NAALADL2: variants seen among roughly 807,000 people sequenced by gnomAD.
NAALADL2 encodes N-acetylated alpha-linked acidic dipeptidase like 2, also known as inactive N-acetylated-alpha-linked acidic dipeptidase-like protein 2.
A neutral mutation model predicts 87.2 loss-of-function variants in NAALADL2; 76 were observed. The observed-to-expected ratio is 0.87, with a 90% CI of 0.72 to 1.05. The LOEUF (loss-of-function observed/expected upper bound fraction) is 1.05, where lower values mean the gene tolerates loss of function less well. Among genes scored for constraint, NAALADL2 ranks in the 50% least tolerant of loss-of-function variants. The probability of loss-of-function intolerance (pLI) is 0.00; values close to 1 mark genes in which losing one functional copy is unlikely to be tolerated. For missense variants in NAALADL2, 1,089 were observed against 945.8 expected (o/e 1.15, Z -1.99); for synonymous variants, 354 against 331.0 (o/e 1.07, Z -0.75).
rs184756545 is a variant in NAALADL2, at chr3:175,421,489, T to C, written c.1091-25740T>C. ...TTTCACCTATCTACCTTCTTATGCT[T>C]AGCTATAATGTGAGAATATAATGTC... On this transcript the variant is annotated intron_variant, in intron 5 of 13. Transcript: ENST00000454872. 4.4e-3 allele frequency among the ~76,000 whole-genome samples: 669 copies of C among 152,192 alleles called. 3 individuals are homozygous for C. Among genetic ancestry groups the C allele is most frequent in the Non-Finnish European group, 6.3e-3 (430 of 67,968 alleles).
chr3:174,739,148 T>C (rs1245706878), intron 3 of NAALADL2, among the ~76,000 whole-genome samples: 1 of 151,972 alleles, frequency 6.6e-6, no homozygotes, highest in African/African-American at 2.4e-5. Flanking sequence ...GCACTTTTAT[T>C]TTCCTTTATT....
chr3:174,826,649 G>A (rs1401408309), intron 3 of NAALADL2, among the ~76,000 whole-genome samples: 2 of 152,098 alleles, frequency 1.3e-5, no homozygotes, highest in African/African-American at 4.8e-5. Flanking sequence ...TTCAATATCA[G>A]TTTTCTCAGT....
At chr3:174,791,605 A>G (rs1578947101) in intron 3 of NAALADL2, among the ~76,000 whole-genome samples, 1 of 152,218 alleles carries the variant, frequency 6.6e-6, no homozygotes, top group Admixed American at 6.5e-5. Context: ...AGTACCATGT[A>G]AGAATATTCT....
intron 5 of NAALADL2, among the ~76,000 whole-genome samples, chr3:175,441,709 G>A (rs1424752266): frequency 6.7e-6 from 1 of 149,784 alleles, no homozygotes. Flanking sequence ...ACACACACGA[G>A]GTGCACAGGG....
intron 2 of NAALADL2, among the ~76,000 whole-genome samples, chr3:175,107,193 G>C (rs1354706956): frequency 6.6e-6 from 1 of 152,012 alleles, no homozygotes; most frequent in Non-Finnish European, 1.5e-5. Flanking sequence ...TATTATTTTA[G>C]ATGTTTCTGT....
intron 10 of NAALADL2, among the ~76,000 whole-genome samples, chr3:175,597,774 A>G (rs1271112088): frequency 6.6e-6 from 1 of 152,066 alleles, no homozygotes; most frequent in African/African-American, 2.4e-5. Context: ...TCAAAGGATA[A>G]AATTGTCCCC....
intron 1 of NAALADL2, among the ~76,000 whole-genome samples, chr3:175,010,145 A>G (rs1749590831): frequency 6.6e-6 from 1 of 152,120 alleles, no homozygotes; most frequent in Admixed American, 6.6e-5. Context: ...ATTATATAAC[A>G]CACAGTTTTA....
intron 1 of NAALADL2, among the ~76,000 whole-genome samples, chr3:174,977,152 T>C (rs1378470955): frequency 1.3e-5 from 2 of 152,214 alleles, no homozygotes; most frequent in Non-Finnish European, 2.9e-5. Flanking sequence ...AGGCAAGTAC[T>C]ACATGACCTC....
At chr3:175,221,545 T>A (rs1743369679) in intron 2 of NAALADL2, among the ~76,000 whole-genome samples, 1 of 152,100 alleles carries the variant, frequency 6.6e-6, no homozygotes, top group South Asian at 2.1e-4. Context: ...AGGAGTTTGG[T>A]AAAATTTCTA....
At chr3:175,503,454 G>A (rs1332031510) in intron 9 of NAALADL2, among the ~76,000 whole-genome samples, 1 of 152,124 alleles carries the variant, frequency 6.6e-6, no homozygotes, top group Non-Finnish European at 1.5e-5. Flanking sequence ...CCAATAGTAG[G>A]ATTGCTAGGT....
chr3:174,463,192 A>C (rs1360577975), intron 1 of NAALADL2, among the ~76,000 whole-genome samples: 1 of 152,188 alleles, frequency 6.6e-6, no homozygotes, highest in Non-Finnish European at 1.5e-5. Context: ...CAAAATCTGC[A>C]TTATAGTACA....
At chr3:175,171,401 C>T (rs951911526) in intron 2 of NAALADL2, among the ~76,000 whole-genome samples, 1 of 152,012 alleles carries the variant, frequency 6.6e-6, no homozygotes, top group Non-Finnish European at 1.5e-5. Flanking sequence ...TTTAAGTCTC[C>T]TGTCATTTGA....
At chr3:174,752,573 A>C (rs1456724556) in intron 3 of NAALADL2, among the ~76,000 whole-genome samples, 2 of 151,956 alleles carry the variant, frequency 1.3e-5, no homozygotes, top group Non-Finnish European at 2.9e-5. Context: ...TTTTAAAAAA[A>C]ATAGGCCAGT....
intron 9 of NAALADL2, among the ~76,000 whole-genome samples, chr3:175,475,950 C>T (rs1237805078): frequency 2.6e-5 from 4 of 152,076 alleles, no homozygotes; most frequent in Admixed American, 2.0e-4. Context: ...CTCAAACTCC[C>T]GGTCTCAAGT....
At chr3:174,789,965 T>G (rs1278294569) in intron 3 of NAALADL2, among the ~76,000 whole-genome samples, 2 of 152,212 alleles carry the variant, frequency 1.3e-5, no homozygotes, top group Non-Finnish European at 2.9e-5. Flanking sequence ...TCATGCTGAG[T>G]TAGATCTTTG....
chr3:175,732,277 A>G lies in NAALADL2; in HGVS notation c.1897-5029A>G, dbSNP rs78872317. ...TTCATGTGCATGATGGGGGGGATGC[A>G]TAGGATTACGCAATAACTCAATGGA... On this transcript the variant is annotated intron_variant, in intron 11 of 13. Transcript: ENST00000454872. 7.0e-4 allele frequency among the ~76,000 whole-genome samples: 106 copies of G among 152,318 alleles called. 1 individual carries two copies. The East Asian group carries it at 0.012, about 17-fold the overall frequency.
Position 174,838,290 on chromosome 3 carries a change from G to A in NAALADL2, c.-9+100544G>A, listed in dbSNP as rs371285817. On this transcript the variant is annotated intron_variant, in intron 3 of 3. Transcript: ENST00000434257. ...CAGACAAATCCTTCGACAAAATCCA[G>A]CATGACTTTATGATTAAAACTCTCA... Among the ~76,000 whole-genome samples the A allele has an allele frequency of 3.3e-5, 5 of 152,200 alleles. No individual in the cohort carries two copies. In the South Asian group the frequency reaches 6.2e-4, roughly 19 times the overall value.
chr3:175,009,620 T>C (rs2108798356), intron 1 of NAALADL2, among the ~76,000 whole-genome samples: 1 of 152,306 alleles, frequency 6.6e-6, no homozygotes, highest in East Asian at 1.9e-4. Flanking sequence ...ATCAATTAAC[T>C]CTTATTTACC....
At chr3:175,190,835 G>A (rs910434350) in intron 2 of NAALADL2, among the ~76,000 whole-genome samples, 29 of 151,882 alleles carry the variant, frequency 1.9e-4, no homozygotes, top group East Asian at 7.8e-4. Context: ...AAAATTAGCC[G>A]GGCGTGGTGG....
Sources: gnomAD v4.1 joint callset for allele counts (sites outside exome capture counted in the v4.1 genomes callset) on GRCh38, gnomAD v4.1.1 for gene constraint, MANE v1.5 for transcripts, NCBI Gene and HGNC (gene_info 2026-07-23, HGNC 2026-07-21) for gene names.